CAMSAP1: variants seen among roughly 807,000 people sequenced by gnomAD.
CAMSAP1 encodes the protein calmodulin regulated spectrin associated protein 1.
CAMSAP1 carries 58 observed loss-of-function variants against 143.5 expected under a neutral mutation model. The ratio of observed to expected loss-of-function variants is 0.40; its 90% CI spans 0.33 to 0.50. The LOEUF is 0.50. Ranked by LOEUF, CAMSAP1 falls within the 20% of genes least tolerant of loss-of-function variation. The pLI is 0.45. For synonymous variants in CAMSAP1, 945 were observed against 859.3 expected, an observed-to-expected ratio of 1.10 and a Z score of -1.74; for missense variants, 1,969 against 2,115.7, an observed-to-expected ratio of 0.93 and a Z score of 1.36.
chr9:135,890,802 T>C (rs1838267788), intron 1 of CAMSAP1, among the ~76,000 whole-genome samples: 1 of 152,194 alleles, frequency 6.6e-6, no homozygotes, highest in Non-Finnish European at 1.5e-5. Flanking sequence ...AATGGTCAGT[T>C]AAGCAAAATG....
At chr9:135,853,828 TGCCACAGGTGGG>T (rs1836860884) in intron 5 of CAMSAP1, among the ~76,000 whole-genome samples, 1 of 152,202 alleles carries the variant, frequency 6.6e-6, no homozygotes, top group Non-Finnish European at 1.5e-5. Context: ...GAACTGCACC[TGCCACAGGTGGG>T]GTCAACAGCC....
At chr9:135,859,478 C>T (rs1837098165) in intron 5 of CAMSAP1, among the ~76,000 whole-genome samples, 1 of 152,060 alleles carries the variant, frequency 6.6e-6, no homozygotes, top group South Asian at 2.1e-4. Context: ...CTGCAAGCTC[C>T]ACCTCCTGGG....
In CAMSAP1 at chr9:135,844,730, C is replaced by A. The variant is rs577230716; in HGVS notation, c.1045+5407G>T. 1.5e-4 allele frequency among the ~76,000 whole-genome samples: 23 copies of A among 152,286 alleles called. No individual in the cohort carries two copies. In the East Asian group the frequency reaches 3.5e-3, roughly 23 times the overall value. On this transcript the variant is annotated intron_variant, in intron 7 of 16. Transcript: ENST00000389532. ...AAATACAAACTACCATCAGAGAATA[C>A]TATAAACAACTCAGTGCAAATAAAA...
Position 135,818,168 on chromosome 9 carries a change from T to TGCAGAGCTCGGCCAC in CAMSAP1, c.4169-104_4169-90dup, listed in dbSNP as rs1835309910. 2.9e-6 allele frequency: 4 copies of TGCAGAGCTCGGCCAC among 1,391,562 alleles called. No individual in the cohort carries two copies. The highest frequency in any genetic ancestry group is 4.0e-6 in the Non-Finnish European group (4 of 1,006,810). The allele number at this position is 1,391,562 out of a possible 1,614,324, so 86.2% of individuals were successfully genotyped here. On this transcript the variant is annotated intron_variant, in intron 13 of 16. Coordinates refer to ENST00000389532, the MANE Select transcript of CAMSAP1 (RefSeq NM_015447.4). The surrounding 1 kb of genome is among the most constrained non-coding windows in gnomAD (Gnocchi z 7.7). ...TGTACCTGTTCCCCTCACCTCGCCC[T>TGCAGAGCTCGGCCAC]GCAGAGCTCGGCCACACAGGCCGCG...
intron 7 of CAMSAP1, among the ~76,000 whole-genome samples, chr9:135,835,312 C>A (rs542290049): frequency 6.6e-6 from 1 of 152,146 alleles, no homozygotes; most frequent in African/African-American, 2.4e-5. Flanking sequence ...CAGGCAGCCC[C>A]GTGGTCGCCC....
chr9:135,897,102 G>A (rs1455833945), intron 1 of CAMSAP1, among the ~76,000 whole-genome samples: 2 of 152,126 alleles, frequency 1.3e-5, no homozygotes, highest in Non-Finnish European at 2.9e-5. Flanking sequence ...AAGACCCTCA[G>A]AGGATTCCAG....
At chr9:135,862,757 G>T in intron 4 of CAMSAP1, 149 bp from the exon 5 acceptor site, 1 of 871,220 alleles carries the variant, frequency 1.1e-6, no homozygotes. Flanking sequence ...AGTTAGAAAC[G>T]TCTGGATTAC....
rs1372308859 is a variant in CAMSAP1, at chr9:135,862,545, A to G, written c.730T>C (p.Leu244=). 9.7e-6 allele frequency: 15 copies of G among 1,551,710 alleles called. No homozygotes were observed. Among genetic ancestry groups the G allele is most frequent in the Non-Finnish European group, 1.3e-5 (15 of 1,147,008 alleles). ...QSPYFPLLED[L]MRDGSDGAAL... ...GCACCATCACTGCCGTCTCTCATCA[A>G]ATCCTCCAACAACGGGAAGTAGGGT... The change falls in exon 5 of 17, where the codon TTG becomes CTG. Residue 244 remains leucine (L), a synonymous_variant. Transcript: ENST00000389532.
rs1835186741 is a variant in CAMSAP1, at chr9:135,815,156, T to C, written c.4447A>G (p.Ile1483Val). ...TTTCCAGCCAGGCAGCAATGGGATA[T>C]GGCATTGTGAATAATCGGCTTGTTT... is the stretch of plus-strand genomic sequence containing the variant. ...KSNKPIIHNA[I>V]SHCCLAGKVN... The change falls in exon 16 of 17, where the codon ATA becomes GTA. Residue 1483 changes from isoleucine (I) to valine (V), a missense_variant. This residue lies in a region of CAMSAP1 where 143 missense variants were observed against 200.6 expected (regional missense o/e 0.71). Coordinates refer to ENST00000389532, the MANE Select transcript of CAMSAP1 (RefSeq NM_015447.4). The C allele has an allele frequency of 1.9e-6, 3 of 1,613,856 alleles. No homozygotes were observed. The highest frequency in any genetic ancestry group is 1.3e-5 in the African/African-American group (1 of 74,944).
chr9:135,832,085 C>T (rs542653430), intron 7 of CAMSAP1, among the ~76,000 whole-genome samples: 2 of 152,292 alleles, frequency 1.3e-5, no homozygotes, highest in African/African-American at 4.8e-5. Flanking sequence ...CAGCATCACC[C>T]TGATACCAAA....
chr9:135,878,174 T>C lies in CAMSAP1; in HGVS notation c.585+3459A>G, dbSNP rs138882952. On this transcript the variant is annotated intron_variant, in intron 3 of 16. Coordinates refer to ENST00000389532, the MANE Select transcript of CAMSAP1 (RefSeq NM_015447.4). ...CGGCAGGGAGGCTCCTGCACCCAGG[T>C]AGGGACCCCGGCCAGGAGGAGACGG... Among the ~76,000 whole-genome samples the C allele has an allele frequency of 3.4e-3, 520 of 152,110 alleles. 3 individuals carry two copies. Among genetic ancestry groups the C allele is most frequent in the Middle Eastern group, 0.014 (4 of 294 alleles).
intron 3 of CAMSAP1, among the ~76,000 whole-genome samples, chr9:135,872,298 G>A (rs1588492158): frequency 6.6e-6 from 1 of 152,154 alleles, no homozygotes; most frequent in African/African-American, 2.4e-5. Context: ...ACAAAGGTCA[G>A]CGAGGAAAAG....
rs1262726724 is a variant in CAMSAP1, at chr9:135,907,238, C to T, written c.-79G>A. ...CCTCGCCGCGCCGGGCCCGGTGCGC[C>T]CCGAGCCACCACTCGGCCCCGCAGC... On this transcript the variant is annotated 5_prime_UTR_variant, in exon 1 of 17. Coordinates refer to ENST00000389532, the MANE Select transcript of CAMSAP1 (RefSeq NM_015447.4). 5 of 922,016 alleles carry T rather than the reference C, an allele frequency of 5.4e-6. No homozygotes were observed. Among genetic ancestry groups the T allele is most frequent in the Non-Finnish European group, 5.2e-6 (4 of 767,042 alleles). The allele number at this position is 922,016 out of a possible 1,614,324, so 57.1% of individuals were successfully genotyped here.
At chr9:135,881,924 T>A (rs76068794) in intron 2 of CAMSAP1, 130 bp from the exon 3 acceptor site, 1 of 1,150,328 alleles carries the variant, frequency 8.7e-7, no homozygotes, top group Non-Finnish European at 1.2e-6. Flanking sequence ...TCTGAAGAGA[T>A]ACTCAGATTT....
In CAMSAP1 at chr9:135,872,011, AAT is replaced by A. The variant is rs141003654; in HGVS notation, c.586-5477_586-5476del. ...CAGATACTCGGGAGGCTGGCAGGAG[AAT>A]CACCTGAACCCAGGAGAGGGAGGCT... On this transcript the variant is annotated intron_variant, in intron 3 of 16. Coordinates refer to ENST00000389532, the MANE Select transcript of CAMSAP1 (RefSeq NM_015447.4). 6.6e-3 allele frequency among the ~76,000 whole-genome samples: 999 copies of A among 152,134 alleles called. 6 individuals are homozygous for A. Among genetic ancestry groups the A allele is most frequent in the African/African-American group, 0.022 (925 of 41,504 alleles).
chr9:135,858,799 G>C (rs1281006411), intron 5 of CAMSAP1, among the ~76,000 whole-genome samples: 1 of 152,260 alleles, frequency 6.6e-6, no homozygotes, highest in Non-Finnish European at 1.5e-5. Context: ...CCCCCAGGAA[G>C]CCATGGTGCA....
rs1460109276 is a variant in CAMSAP1, at chr9:135,810,797, T to A, written c.*512A>T. ...TTCTCAAATGAAAAAGATTTCCCAT[T>A]ATGAATTCCTTTGCTATAGACATTC... On this transcript the variant is annotated 3_prime_UTR_variant, in exon 17 of 17. Transcript: ENST00000389532. 6.5e-6 allele frequency: 1 copy of A among 153,640 alleles called. No individual in the cohort carries two copies. Among genetic ancestry groups the A allele is most frequent in the African/African-American group, 2.4e-5 (1 of 41,464 alleles). The allele number at this position is 153,640 out of a possible 1,614,324, so 9.5% of individuals were successfully genotyped here. A position where few individuals can be genotyped will look rare whatever the true frequency, so the allele number is the denominator to read the frequency against.
In CAMSAP1 at chr9:135,824,978, C is replaced by A; in HGVS notation, c.1224-98G>T. The stretch of plus-strand genomic sequence containing the variant: ...GTACAGGACCATCCTGAATTCACAC[C>A]AAGTTTTGAGAAACTCGGACTGTTT... On this transcript the variant is annotated intron_variant, in intron 8 of 16. Transcript: ENST00000389532. This position sits in a 1 kb window ranked among gnomAD's most constrained non-coding sequence, Gnocchi z 4.1. 2.1e-6 allele frequency: 2 copies of A among 952,338 alleles called. No individual in the cohort carries two copies. Among genetic ancestry groups the A allele is most frequent in the Non-Finnish European group, 3.1e-6 (2 of 645,870 alleles). 59.0% of individuals were successfully genotyped at this position (952,338 alleles called of 1,614,324 possible).
In CAMSAP1 at chr9:135,866,451, T is replaced by G. The variant is rs74583827; in HGVS notation, c.666+5A>C. On this transcript the variant is annotated splice_donor_5th_base_variant and intron_variant, in intron 4 of 16. Coordinates refer to ENST00000389532, the MANE Select transcript of CAMSAP1 (RefSeq NM_015447.4). ...CATTCCAGAAAAATTAAATTTACCC[T>G]TTACCTTTTGATGAGCTGGACTTTC... 5.6e-3 allele frequency: 7,798 copies of G among 1,386,604 alleles called. 31 individuals are homozygous for G. Among genetic ancestry groups the G allele is most frequent in the Non-Finnish European group, 6.7e-3 (6,700 of 997,190 alleles). The allele number at this position is 1,386,604 out of a possible 1,614,324, so 85.9% of individuals were successfully genotyped here.
Sources: gnomAD v4.1 joint callset for allele counts (sites outside exome capture counted in the v4.1 genomes callset) on GRCh38, gnomAD v4.1.1 for gene constraint, gnomAD v4.1.1 regional missense constraint, Gnocchi (gnomAD v3.1) non-coding constraint, MANE v1.5 for transcripts, NCBI Gene and HGNC (gene_info 2026-07-23, HGNC 2026-07-21) for gene names.